SORCS2: variants seen among roughly 807,000 people sequenced by gnomAD.
SORCS2 encodes sortilin related VPS10 domain containing receptor 2.
SORCS2 carries 100 observed loss-of-function variants against 141.6 expected under a neutral mutation model. The ratio of observed to expected loss-of-function variants is 0.71; its 90% CI spans 0.60 to 0.83. SORCS2 has a LOEUF of 0.83. Ranked by LOEUF, SORCS2 falls within the 40% of genes least tolerant of loss-of-function variation. The probability of loss-of-function intolerance (pLI) is 0.00; values close to 1 mark genes in which losing one functional copy is unlikely to be tolerated. For missense variants in SORCS2, 1,646 were observed against 1,560.2 expected (o/e 1.05, Z -0.93); for synonymous variants, 789 against 676.9 (o/e 1.17, Z -2.57).
intron 3 of SORCS2, among the ~76,000 whole-genome samples, chr4:7,625,652 A>T (rs1467106230): frequency 2.0e-5 from 3 of 148,094 alleles, no homozygotes; most frequent in African/African-American, 7.3e-5. Context: ...AGCACTCTTC[A>T]TTAACCCTTA....
intron 1 of SORCS2, among the ~76,000 whole-genome samples, chr4:7,348,991 A>G (rs116647829): frequency 0.01 from 1,562 of 152,206 alleles, 21 homozygotes; most frequent in African/African-American, 0.034. Context: ...CAGAAAAGAC[A>G]GAGACACCCC....
intron 11 of SORCS2, among the ~76,000 whole-genome samples, chr4:7,694,160 C>G (rs1724445299): frequency 6.6e-6 from 1 of 152,204 alleles, no homozygotes; most frequent in African/African-American, 2.4e-5. Context: ...GGAGAGGAAG[C>G]ATGTCTTCAT....
rs3913441 is a variant in SORCS2, at chr4:7,354,393, C to A, written c.481-41895C>A. On this transcript the variant is annotated intron_variant, in intron 1 of 26. Transcript: ENST00000507866. ...GGGGCTCAGCCCCCTGGCTTTCTCCCCCAAGAAAGACCCCCCACCACCAAA... is the reference window on the plus strand; with the variant it reads ...GGGGCTCAGCCCCCTGGCTTTCTCCACCAAGAAAGACCCCCCACCACCAAA... Among the ~76,000 whole-genome samples, 862 of 152,170 alleles carry A rather than the reference C, an allele frequency of 5.7e-3. 8 individuals are homozygous for A. The highest frequency in any genetic ancestry group is 0.019 in the African/African-American group (803 of 41,520).
Position 7,398,143 on chromosome 4 carries a change from G to T in SORCS2, c.548+1788G>T, listed in dbSNP as rs77958750. On this transcript the variant is annotated intron_variant, in intron 2 of 26. Transcript: ENST00000507866. ...GGAGTTGCCGGCTTAGTTTACGTTT[G>T]CTGGAGTCCTTGTGCGGTGGGGGTG... Among the ~76,000 whole-genome samples the T allele has an allele frequency of 2.3e-3, 354 of 152,288 alleles. 4 individuals are homozygous for T. Among genetic ancestry groups the T allele is most frequent in the Admixed American group, 0.016 (238 of 15,302 alleles).
chr4:7,736,147 G>A (rs1026389318), intron 25 of SORCS2, among the ~76,000 whole-genome samples: 2 of 152,236 alleles, frequency 1.3e-5, no homozygotes, highest in African/African-American at 2.4e-5. Context: ...GGAGCTCCCG[G>A]CTTGCTCAAG....
At chr4:7,667,305 C>T in intron 8 of SORCS2, 92 bp downstream of exon 8, 8 of 1,185,748 alleles carry the variant, frequency 6.7e-6, no homozygotes, top group East Asian at 2.4e-5. Flanking sequence ...AGGTGCTTGG[C>T]GGTCCCAGGT....
At chr4:7,401,306 G>T (rs1466331680) in intron 2 of SORCS2, among the ~76,000 whole-genome samples, 2 of 152,164 alleles carry the variant, frequency 1.3e-5, no homozygotes, top group Non-Finnish European at 2.9e-5. Context: ...TAAATGGATG[G>T]ATAGGCAGAC....
chr4:7,574,591 G>T (rs986194000), intron 3 of SORCS2, among the ~76,000 whole-genome samples: 7 of 151,954 alleles, frequency 4.6e-5, no homozygotes, highest in Admixed American at 1.3e-4. Context: ...GAGGGAGGGA[G>T]AGAGGCAGGG....
At chr4:7,497,167 C>T (rs1312271694) in intron 2 of SORCS2, among the ~76,000 whole-genome samples, 2 of 152,244 alleles carry the variant, frequency 1.3e-5, no homozygotes, top group African/African-American at 4.8e-5. Context: ...CCGCATGGCG[C>T]TCTCTTCCCT....
In SORCS2 at chr4:7,725,167, C is replaced by T. The variant is rs749474554; in HGVS notation, c.2625C>T (p.Ala875=). ...LFVQVNSPLQ[A]LYLEVVPVIG... ...GGGTCCCCACAGCCCCCCTGCAGGC[C>T]CTCTACCTGGAGGTGGTTCCTGTCA... is the stretch of plus-strand genomic sequence containing the variant. Residue 875 remains alanine, a synonymous_variant, in exon 20 of 27, where the codon GCC becomes GCT. Coordinates refer to ENST00000507866, the MANE Select transcript of SORCS2 (RefSeq NM_020777.3). 4 of 1,613,336 alleles carry T rather than the reference C, an allele frequency of 2.5e-6. No individual in the cohort carries two copies. Among genetic ancestry groups the T allele is most frequent in the African/African-American group, 1.3e-5 (1 of 75,006 alleles).
At chr4:7,400,702 AATGGATGG>A (rs1724519665) in intron 2 of SORCS2, among the ~76,000 whole-genome samples, 1 of 149,952 alleles carries the variant, frequency 6.7e-6, no homozygotes, top group Admixed American at 6.6e-5. Flanking sequence ...TGGATGGATG[AATGGATGG>A]ATGGATGAAT....
intron 4 of SORCS2, among the ~76,000 whole-genome samples, chr4:7,645,648 G>GT (rs1721024877): frequency 6.6e-6 from 1 of 152,150 alleles, no homozygotes; most frequent in South Asian, 2.1e-4. Context: ...GGAGCTGCAG[G>GT]TATTTGTTGA....
At chr4:7,453,056 G>A (rs575383834) in intron 2 of SORCS2, among the ~76,000 whole-genome samples, 94 of 147,560 alleles carry the variant, frequency 6.4e-4, no homozygotes, top group African/African-American at 2.1e-3. Flanking sequence ...GTGTGTTGGG[G>A]TCAGGAGCTG....
At chr4:7,610,764 G>A (rs932533308) in intron 3 of SORCS2, among the ~76,000 whole-genome samples, 3 of 152,272 alleles carry the variant, frequency 2.0e-5, no homozygotes, top group Non-Finnish European at 4.4e-5. Flanking sequence ...GTAAGTAGAG[G>A]ATAGTCCAGT....
At chr4:7,635,138 TAA>T (rs1243806698) in intron 3 of SORCS2, among the ~76,000 whole-genome samples, 1 of 152,196 alleles carries the variant, frequency 6.6e-6, no homozygotes, top group African/African-American at 2.4e-5. Flanking sequence ...CAGGCTAATG[TAA>T]AGTGTTAATA....
rs370004831 is a variant in SORCS2, at chr4:7,714,276, C to T, written c.2026C>T (p.Arg676Trp). 2.4e-5 allele frequency: 38 copies of T among 1,610,356 alleles called. No homozygotes were observed. Among genetic ancestry groups the T allele is most frequent in the South Asian group, 1.0e-4 (9 of 89,708 alleles). Reference protein sequence around the residue: ...RCIMGQQRSFRKRKSTSWCIK... With the variant: ...RCIMGQQRSFWKRKSTSWCIK... ...TATCATGGGCCAGCAGAGAAGTTTC[C>T]GGAAAAGAAAGTCCACGTCCTGGTG... is the stretch of plus-strand genomic sequence containing the variant. The change falls in exon 16 of 27, where the codon CGG (arginine) becomes TGG (tryptophan). Residue 676 changes from arginine (R) to tryptophan (W), a missense_variant. Physicochemically the swap from Arg to Trp is moderately radical, Grantham distance 101 (BLOSUM62 -3). Coordinates refer to ENST00000507866, the MANE Select transcript of SORCS2 (RefSeq NM_020777.3).
At chr4:7,521,518 G>A (rs1486139917) in intron 2 of SORCS2, among the ~76,000 whole-genome samples, 1 of 152,160 alleles carries the variant, frequency 6.6e-6, no homozygotes, top group Non-Finnish European at 1.5e-5. Context: ...ATCCTGGGAG[G>A]GTTTGTTAGA....
intron 2 of SORCS2, among the ~76,000 whole-genome samples, chr4:7,508,284 T>C (rs1732399873): frequency 1.5e-5 from 1 of 67,390 alleles, no homozygotes; most frequent in Non-Finnish European, 2.7e-5. Context: ...AGGGTGGCCC[T>C]AGCACCCATC....
intron 1 of SORCS2, among the ~76,000 whole-genome samples, chr4:7,369,465 G>T (rs1221405954): frequency 1.3e-5 from 2 of 152,208 alleles, no homozygotes; most frequent in Non-Finnish European, 1.5e-5. Context: ...ATTCCCTGCA[G>T]CAGCCCCATT....
Sources: gnomAD v4.1 joint callset for allele counts (sites outside exome capture counted in the v4.1 genomes callset) on GRCh38, gnomAD v4.1.1 for gene constraint, MANE v1.5 for transcripts, NCBI Gene and HGNC (gene_info 2026-07-23, HGNC 2026-07-21) for gene names.